ZHX3: variants seen among roughly 807,000 people sequenced by gnomAD.
ZHX3 encodes zinc fingers and homeoboxes protein 3.
A neutral mutation model predicts 64.5 loss-of-function variants in ZHX3; 20 were observed. The ratio of observed to expected loss-of-function variants is 0.31; its 90% CI spans 0.22 to 0.45. The LOEUF (loss-of-function observed/expected upper bound fraction) is 0.45, where lower values mean the gene tolerates loss of function less well. ZHX3 is among the 20% of genes least tolerant of loss of function. The pLI is 1.00. For synonymous variants in ZHX3, 423 were observed against 461.6 expected (o/e 0.92, Z 1.07); for missense variants, 1,041 against 1,195.8 (o/e 0.87, Z 1.91).
chr20:41,197,011 G>C lies in ZHX3; in HGVS notation c.2860+5046C>G, dbSNP rs1043691609. 2.1e-5 allele frequency: 4 copies of C among 192,804 alleles called. No individual in the cohort carries two copies. The East Asian group carries it at 3.6e-4, about 17-fold the overall frequency. The allele number at this position is 192,804 out of a possible 1,614,324, so 11.9% of individuals were successfully genotyped here. A position where few individuals can be genotyped will look rare whatever the true frequency, so the allele number is the denominator to read the frequency against. ...CACTGTGGATGTTAAAAGCCAAAAA[G>C]TACCAGGTCAGGCTGTGAAGCAGCT... On this transcript the variant is annotated intron_variant, in intron 3 of 3. Coordinates refer to ENST00000683867, the MANE Select transcript of ZHX3 (RefSeq NM_001384317.1).
intron 2 of ZHX3, among the ~76,000 whole-genome samples, chr20:41,230,482 C>T (rs981905281): frequency 7.9e-5 from 12 of 152,270 alleles, no homozygotes; most frequent in African/African-American, 2.2e-4. Context: ...ACAGCAGCCA[C>T]TAGCCATAGG....
chr20:41,264,099 C>A (rs752657208), intron 2 of ZHX3, among the ~76,000 whole-genome samples: 19 of 151,888 alleles, frequency 1.3e-4, no homozygotes, highest in Non-Finnish European at 2.8e-4. Context: ...CCTAACCAGA[C>A]CAACATCTTT....
chr20:41,305,652 C>T (rs1443376818), intron 1 of ZHX3, among the ~76,000 whole-genome samples: 5 of 151,344 alleles, frequency 3.3e-5, no homozygotes, highest in Admixed American at 6.6e-5. Context: ...GGCGTGGTGG[C>T]GGGCGCCTGT....
intron 2 of ZHX3, among the ~76,000 whole-genome samples, chr20:41,206,709 A>C (rs1568826563): frequency 1.3e-5 from 2 of 152,228 alleles, no homozygotes; most frequent in Admixed American, 6.5e-5. Flanking sequence ...AATGGAACCA[A>C]GTTGGAAAAC....
Position 41,204,243 on chromosome 20 carries a change from A to G in ZHX3, c.674T>C (p.Val225Ala), listed in dbSNP as rs1346701458. 2 of 1,613,718 alleles carry G rather than the reference A, an allele frequency of 1.2e-6. No homozygotes were observed. The highest frequency in any genetic ancestry group is 1.7e-6 in the Non-Finnish European group (2 of 1,179,892). The change falls in exon 3 of 4, where the codon GTG (valine) becomes GCG (alanine). Residue 225 changes from valine (V) to alanine (A), a missense_variant. Val to Ala is a moderately conservative substitution (Grantham distance 64). This residue lies in a region of ZHX3 where 358 missense variants were observed against 369.1 expected (regional missense o/e 0.97). Transcript: ENST00000683867. The surrounding 1 kb of genome is among the most constrained non-coding windows in gnomAD (Gnocchi z 6.6). ...GATGAAGGAATGGTCCCCCTCTCTCACCTCCATTTCTCCAGTCGACAGCTT... is the reference window on the plus strand; with the variant it reads ...GATGAAGGAATGGTCCCCCTCTCTCGCCTCCATTTCTCCAGTCGACAGCTT... The part of the protein sequence containing the change: ...LPKLSTGEME[V>A]REGDHSFING...
At position 41,184,659 on chromosome 20, in the gene ZHX3, A is replaced by C; in HGVS notation, c.*532T>G. 1 of 502,378 alleles carries C rather than the reference A, an allele frequency of 2.0e-6. No individual in the cohort carries two copies. The highest frequency in any genetic ancestry group is 3.6e-6 in the Non-Finnish European group (1 of 279,278). 31.1% of individuals were successfully genotyped at this position (502,378 alleles called of 1,614,324 possible). A position where few individuals can be genotyped will look rare whatever the true frequency, so the allele number is the denominator to read the frequency against. On this transcript the variant is annotated 3_prime_UTR_variant, in exon 4 of 4. Coordinates refer to ENST00000683867, the MANE Select transcript of ZHX3 (RefSeq NM_001384317.1). ...TCCTTGAGGAACACAAAGGGGGCACAAAGGGGTTCCAGACGTAGCTTTGTG... is the reference window on the plus strand; with the variant it reads ...TCCTTGAGGAACACAAAGGGGGCACCAAGGGGTTCCAGACGTAGCTTTGTG...
Position 41,202,006 on chromosome 20 carries a change from C to T in ZHX3, c.2860+51G>A. ...TAAATTCAGTGCCCAACCATAAGTG[C>T]CTCCTCCCCTTACCCACACAGGATA... On this transcript the variant is annotated intron_variant, in intron 3 of 3. Coordinates refer to ENST00000683867, the MANE Select transcript of ZHX3 (RefSeq NM_001384317.1). The surrounding 1 kb of genome is among the most constrained non-coding windows in gnomAD (Gnocchi z 7.0). 1 of 1,514,200 alleles carries T rather than the reference C, an allele frequency of 6.6e-7. No homozygotes were observed. The highest frequency in any genetic ancestry group is 8.8e-7 in the Non-Finnish European group (1 of 1,131,912). 93.8% of individuals were successfully genotyped at this position (1,514,200 alleles called of 1,614,324 possible).
At chr20:41,286,105 G>A (rs6029610) in intron 1 of ZHX3, among the ~76,000 whole-genome samples, 88,137 of 151,974 alleles carry the variant, frequency 0.58, 26,918 homozygotes, top group East Asian at 0.82. Flanking sequence ...CAAATAGAAA[G>A]CACGCTTACT....
intron 2 of ZHX3, among the ~76,000 whole-genome samples, chr20:41,238,380 A>AG (rs1348799316): frequency 6.6e-6 from 1 of 152,158 alleles, no homozygotes; most frequent in African/African-American, 2.4e-5. Context: ...AGAGACTAAG[A>AG]GGGAAAAAAA....
chr20:41,238,075 G>C (rs1424685494), intron 2 of ZHX3, among the ~76,000 whole-genome samples: 1 of 152,182 alleles, frequency 6.6e-6, no homozygotes, highest in Admixed American at 6.5e-5. Context: ...ATCAGTTACA[G>C]TTCACTTGCA....
At position 41,184,873 on chromosome 20, in the gene ZHX3, T is replaced by C. The variant is rs1454102373; in HGVS notation, c.*318A>G. On this transcript the variant is annotated 3_prime_UTR_variant, in exon 4 of 4. Coordinates refer to ENST00000683867, the MANE Select transcript of ZHX3 (RefSeq NM_001384317.1). The stretch of plus-strand genomic sequence containing the variant: ...TTTAACATATAGAGGTGGATGTATA[T>C]GTTAAAAGCTTGATTCTGTGTCTAT... 8.0e-6 allele frequency: 12 copies of C among 1,497,806 alleles called. No homozygotes were observed. The Admixed American group carries it at 8.4e-5, about 10-fold the overall frequency. The allele number at this position is 1,497,806 out of a possible 1,614,324, so 92.8% of individuals were successfully genotyped here. A position where few individuals can be genotyped will look rare whatever the true frequency, so the allele number is the denominator to read the frequency against.
chr20:41,236,074 G>C (rs1049788042), intron 2 of ZHX3, among the ~76,000 whole-genome samples: 9 of 152,140 alleles, frequency 5.9e-5, no homozygotes, highest in Non-Finnish European at 1.0e-4. Context: ...GGGATGTGAA[G>C]GACCTCTTCA....
intron 2 of ZHX3, 24 bp downstream of exon 2, chr20:41,268,966 C>T (rs772981378): frequency 6.6e-6 from 1 of 152,132 alleles, no homozygotes; most frequent in Non-Finnish European, 1.5e-5. Context: ...TGCTATTTAC[C>T]CAAGAAACAT....
intron 2 of ZHX3, among the ~76,000 whole-genome samples, chr20:41,221,083 C>T (rs867017895): frequency 4.6e-5 from 7 of 152,162 alleles, no homozygotes; most frequent in Non-Finnish European, 7.4e-5. Context: ...ATCCTCAGTT[C>T]CTGTACTTTG....
chr20:41,204,893 G>C lies in ZHX3; in HGVS notation c.24C>G (p.Thr8=), dbSNP rs952527903. Residue 8 remains threonine, a synonymous_variant, in exon 3 of 4, where the codon ACC becomes ACG. Coordinates refer to ENST00000683867, the MANE Select transcript of ZHX3 (RefSeq NM_001384317.1). This position sits in a 1 kb window ranked among gnomAD's most constrained non-coding sequence, Gnocchi z 6.6. ...TCTTCACTGGGATCATGCATGGTGTGGTGGATTTCCTCTTGCTGGCCATGG... is the reference window on the plus strand; with the variant it reads ...TCTTCACTGGGATCATGCATGGTGTCGTGGATTTCCTCTTGCTGGCCATGG... MASKRKS[T]TPCMIPVKTV... is the part of the protein sequence containing the mutation. 21 of 1,536,438 alleles carry C rather than the reference G, an allele frequency of 1.4e-5. No homozygotes were observed. In the East Asian group the frequency reaches 4.5e-4, roughly 33 times the overall value.
At chr20:41,216,434 CT>C (rs1199849732) in intron 2 of ZHX3, among the ~76,000 whole-genome samples, 2 of 152,172 alleles carry the variant, frequency 1.3e-5, no homozygotes, top group Non-Finnish European at 2.9e-5. Context: ...GCATAGCTTA[CT>C]ATAATTAATT....
rs1286649563 is a variant in ZHX3, at chr20:41,228,345, A to T, written c.-150-23279T>A. On this transcript the variant is annotated intron_variant, in intron 2 of 3. Transcript: ENST00000683867. This position sits in a 1 kb window ranked among gnomAD's most constrained non-coding sequence, Gnocchi z 4.6. ...CTTCCAAAAAACGAAACAAGCAAAT[A>T]AAAAATATAGCCTAGGTCTACTTCC... Among the ~76,000 whole-genome samples the T allele has an allele frequency of 6.6e-6, 1 of 152,218 alleles. No homozygotes were observed. Among genetic ancestry groups the T allele is most frequent in the Non-Finnish European group, 1.5e-5 (1 of 68,044 alleles).
rs1020844698 is a variant in ZHX3 at position 41,207,751 on chromosome 20, T to TA, written c.-150-2686dup. 2.3e-4 allele frequency among the ~76,000 whole-genome samples: 35 copies of TA among 152,260 alleles called. 1 individual carries two copies. Among genetic ancestry groups the TA allele is most frequent in the African/African-American group, 8.4e-4 (35 of 41,558 alleles). ...CCCACAAGAGAAAGCAGGAAATATC[T>TA]AAAATTGACACCCTAACATCACAAT... On this transcript the variant is annotated intron_variant, in intron 2 of 3. Coordinates refer to ENST00000683867, the MANE Select transcript of ZHX3 (RefSeq NM_001384317.1).
intron 2 of ZHX3, among the ~76,000 whole-genome samples, chr20:41,223,239 C>T (rs1255090921): frequency 2.0e-5 from 3 of 152,184 alleles, no homozygotes; most frequent in Non-Finnish European, 4.4e-5. Flanking sequence ...GGTAAGACTT[C>T]TATTAAGAAG....
Sources: gnomAD v4.1 joint callset for allele counts (sites outside exome capture counted in the v4.1 genomes callset) on GRCh38, gnomAD v4.1.1 for gene constraint, gnomAD v4.1.1 regional missense constraint, Gnocchi (gnomAD v3.1) non-coding constraint, MANE v1.5 for transcripts, NCBI Gene and HGNC (gene_info 2026-07-23, HGNC 2026-07-21) for gene names.